The following TLN2 variants were observed in gnomAD, a reference collection of about 807,000 sequenced individuals.
TLN2 encodes talin-2.
Under a neutral mutation model 294.7 loss-of-function variants are expected in TLN2, and 118 were observed. That is an observed-to-expected ratio of 0.40 (90% CI 0.34 to 0.47). The LOEUF is 0.47. Among genes scored for constraint, TLN2 ranks in the 20% least tolerant of loss-of-function variants. TLN2 has a pLI of 0.84. For missense variants in TLN2, 3,083 were observed against 3,282.2 expected, an observed-to-expected ratio of 0.94 and a Z score of 1.48; for synonymous variants, 1,431 against 1,304.5, an observed-to-expected ratio of 1.10 and a Z score of -2.09.
At chr15:62,676,918 T>C (rs903718189) in intron 11 of TLN2, among the ~76,000 whole-genome samples, 11 of 152,286 alleles carry the variant, frequency 7.2e-5, no homozygotes, top group South Asian at 2.1e-4. Context: ...CCCTATCTTC[T>C]TGTATAAGTG....
At chr15:62,637,182 C>G (rs1430043372) in intron 3 of TLN2, 1 of 152,194 alleles carries the variant, frequency 6.6e-6, no homozygotes, top group Non-Finnish European at 1.5e-5. Flanking sequence ...TTCACCTGGT[C>G]TTGACCTTCA....
intron 32 of TLN2, among the ~76,000 whole-genome samples, chr15:62,745,044 G>T (rs190416045): frequency 1.3e-5 from 2 of 152,118 alleles, no homozygotes; most frequent in Admixed American, 1.3e-4. Flanking sequence ...GCACAAAGTG[G>T]TTGATTTTCT....
chr15:62,764,191 T>A (rs1447913370), intron 40 of TLN2, among the ~76,000 whole-genome samples: 1 of 152,238 alleles, frequency 6.6e-6, no homozygotes, highest in East Asian at 1.9e-4. Flanking sequence ...TTTGGCATCC[T>A]ATTATTAATT....
intron 1 of TLN2, among the ~76,000 whole-genome samples, chr15:62,409,308 G>C (rs377510883): frequency 4.6e-5 from 7 of 152,156 alleles, no homozygotes; most frequent in Admixed American, 2.0e-4. Context: ...GTATACTGAA[G>C]TTTAAATGTC....
intron 4 of TLN2, 81 bp downstream of exon 4, chr15:62,647,527 A>G (rs2052026431): frequency 1.3e-6 from 2 of 1,588,572 alleles, no homozygotes; most frequent in East Asian, 4.5e-5. Context: ...AGAGGCTCCA[A>G]GTGGTACACA....
In TLN2 at chr15:62,697,797, G is replaced by A. The variant is rs200753658; in HGVS notation, c.1402G>A (p.Val468Ile). The A allele has an allele frequency of 5.6e-6, 9 of 1,612,710 alleles. No homozygotes were observed. Among genetic ancestry groups the A allele is most frequent in the South Asian group, 1.1e-5 (1 of 90,980 alleles). Residue 468 changes from valine to isoleucine, a missense_variant, in exon 15 of 59, where the codon GTT becomes ATT. Transcript: ENST00000636159. ...CTCCAGCGGGCCTGAGACCTTCAAC[G>A]TTGGCAGCATGCCCTCGCCACAGCA... ...SGSSGPETFN[V>I]GSMPSPQQQV...
At chr15:62,418,554 C>T (rs530075164) in intron 1 of TLN2, among the ~76,000 whole-genome samples, 9 of 152,276 alleles carry the variant, frequency 5.9e-5, no homozygotes, top group Admixed American at 5.9e-4. Context: ...AAATGTCTCA[C>T]GTGTCCGTAT....
At chr15:62,398,987 C>T (rs1032824971) in intron 1 of TLN2, among the ~76,000 whole-genome samples, 8 of 152,096 alleles carry the variant, frequency 5.3e-5, no homozygotes, top group African/African-American at 7.2e-5. Flanking sequence ...GTCCAGGGCC[C>T]CCTGCTGTGT....
intron 1 of TLN2, among the ~76,000 whole-genome samples, chr15:62,574,516 G>A (rs1044802940): frequency 7.5e-6 from 1 of 133,302 alleles, no homozygotes; most frequent in Non-Finnish European, 1.5e-5. Context: ...AGGTGTTTGT[G>A]GTTACAGTGA....
chr15:62,811,048 A>G (rs1269224266), intron 52 of TLN2, among the ~76,000 whole-genome samples: 1 of 152,248 alleles, frequency 6.6e-6, no homozygotes, highest in East Asian at 1.9e-4. Context: ...GAAGTCACCC[A>G]TCTGTTCAGC....
At chr15:62,543,365 G>A (rs1206796249) in intron 1 of TLN2, among the ~76,000 whole-genome samples, 2 of 152,192 alleles carry the variant, frequency 1.3e-5, no homozygotes, top group African/African-American at 4.8e-5. Context: ...GACAGGGGCC[G>A]GAGATATAAT....
chr15:62,685,780 A>G (rs1198920708), intron 11 of TLN2, among the ~76,000 whole-genome samples: 5 of 152,216 alleles, frequency 3.3e-5, no homozygotes, highest in Non-Finnish European at 7.3e-5. Flanking sequence ...TATTGCCATT[A>G]CATTCATTGT....
At chr15:62,484,220 G>A (rs1410760135) in intron 1 of TLN2, among the ~76,000 whole-genome samples, 2 of 152,178 alleles carry the variant, frequency 1.3e-5, no homozygotes, top group Non-Finnish European at 2.9e-5. Context: ...TTGGAGACTT[G>A]AATGCTAGTG....
chr15:62,455,354 A>C (rs998477295), intron 1 of TLN2, among the ~76,000 whole-genome samples: 2 of 152,072 alleles, frequency 1.3e-5, no homozygotes, highest in African/African-American at 4.8e-5. Context: ...GCAGAATGTC[A>C]AAAAGCCAGT....
intron 35 of TLN2, among the ~76,000 whole-genome samples, chr15:62,752,893 A>G (rs934313736): frequency 7.2e-5 from 11 of 152,216 alleles, no homozygotes; most frequent in Non-Finnish European, 1.2e-4. Flanking sequence ...TGTATTTTCA[A>G]TGATGATTGA....
chr15:62,573,779 T>TTC (rs1555433058), intron 1 of TLN2, among the ~76,000 whole-genome samples: 1 of 151,300 alleles, frequency 6.6e-6, no homozygotes, highest in African/African-American at 2.4e-5. Flanking sequence ...CTTTTTCTTT[T>TTC]TTTTTTTTTT....
Position 62,721,844 on chromosome 15 carries a change from T to C in TLN2, c.2992-509T>C, listed in dbSNP as rs551961213. 7.2e-5 allele frequency among the ~76,000 whole-genome samples: 11 copies of C among 152,196 alleles called. No homozygotes were observed. In the East Asian group the frequency reaches 1.5e-3, roughly 21 times the overall value. ...GGTAGGATATGTGAGACAAGGAGAT[T>C]GTGAGATAGAGTGAACAGTGTGATC... On this transcript the variant is annotated intron_variant, in intron 25 of 58. Transcript: ENST00000636159.
At chr15:62,396,095 A>G (rs968763530) in intron 1 of TLN2, among the ~76,000 whole-genome samples, 7 of 152,162 alleles carry the variant, frequency 4.6e-5, no homozygotes, top group African/African-American at 1.4e-4. Flanking sequence ...TGGCCTCCCA[A>G]AGTGCTATGA....
At chr15:62,683,769 C>T (rs553605650) in intron 11 of TLN2, among the ~76,000 whole-genome samples, 2 of 152,128 alleles carry the variant, frequency 1.3e-5, no homozygotes, top group Non-Finnish European at 2.9e-5. Flanking sequence ...CCTGCTTTGT[C>T]TACTGGAGAT....
Sources: allele counts gnomAD v4.1 joint callset (sites outside exome capture counted in the v4.1 genomes callset), GRCh38; gene constraint gnomAD v4.1.1; transcripts MANE v1.5; gene names NCBI Gene and HGNC (gene_info 2026-07-23, HGNC 2026-07-21).